Variants in PRSS22 observed in about 807,000 individuals in gnomAD.
The protein encoded by PRSS22 is brain-specific serine protease 4.
In PRSS22, 26 loss-of-function variants were observed where a neutral mutation model predicts 28.0. That is an observed-to-expected ratio of 0.93 (90% CI 0.68 to 1.29). PRSS22 has a LOEUF of 1.29. Among genes scored for constraint, PRSS22 ranks in the 50% most tolerant of loss-of-function variants. PRSS22 has a pLI of 0.00. For missense variants in PRSS22, 444 were observed against 422.1 expected (o/e 1.05, Z -0.46); for synonymous variants, 217 against 177.9 (o/e 1.22, Z -1.75).
At position 2,857,262 on chromosome 16, in the gene PRSS22, C is replaced by A. The variant is rs573694204; in HGVS notation, c.83-414G>T. 5.6e-4 allele frequency: 135 copies of A among 240,994 alleles called. 2 individuals are homozygous for A. The highest frequency in any genetic ancestry group is 3.9e-3 in the South Asian group (113 of 28,628). 14.9% of individuals were successfully genotyped at this position (240,994 alleles called of 1,614,324 possible). A position where few individuals can be genotyped will look rare whatever the true frequency, so the allele number is the denominator to read the frequency against. ...TCCCCAGCGCCCAGTGAGGAGGGGT[C>A]CCCAGCGCCCAGTGAGGAGGGCTCC... On this transcript the variant is annotated intron_variant, in intron 1 of 5. Transcript: ENST00000161006.
intron 4 of PRSS22, 125 bp downstream of exon 4, chr16:2,855,449 T>A (rs2069445737): frequency 9.5e-7 from 1 of 1,049,770 alleles, no homozygotes; most frequent in Admixed American, 2.5e-5. Context: ...CATCTTTCCT[T>A]CCACCTCTGT....
At chr16:2,856,924 G>C (rs112489412) in intron 1 of PRSS22, 76 bp from the exon 2 acceptor site, 44 of 1,502,042 alleles carry the variant, frequency 2.9e-5, no homozygotes, top group African/African-American at 2.4e-4. Flanking sequence ...TCAACGCCCA[G>C]TGAGGAAGGC....
At chr16:2,856,946 A>C (rs1276479613) in intron 1 of PRSS22, 98 bp from the exon 2 acceptor site, 1 of 1,367,738 alleles carries the variant, frequency 7.3e-7, no homozygotes, top group Non-Finnish European at 1.0e-6. Flanking sequence ...CCCAACACCC[A>C]GTAAGAAGGG....
At position 2,853,477 on chromosome 16, in the gene PRSS22, G is replaced by A. The variant is rs2069426237; in HGVS notation, c.718-148C>T. The A allele has an allele frequency of 1.4e-6, 1 of 694,974 alleles. No homozygotes were observed. The highest frequency in any genetic ancestry group is 2.4e-6 in the Non-Finnish European group (1 of 422,200). The allele number at this position is 694,974 out of a possible 1,614,324, so 43.1% of individuals were successfully genotyped here. On this transcript the variant is annotated intron_variant, in intron 5 of 5. Transcript: ENST00000161006. This position sits in a 1 kb window ranked among gnomAD's most constrained non-coding sequence, Gnocchi z 4.6. ...GACAGGACCTGAGCTCCACCCAGGT[G>A]AGAAGTCCCCGGCGGCAGAGTAGGA...
intron 1 of PRSS22, 138 bp downstream of exon 1, chr16:2,857,885 T>C (rs1044603234): frequency 3.5e-6 from 2 of 577,152 alleles, no homozygotes; most frequent in East Asian, 3.5e-5. Context: ...CACAGAGCAG[T>C]TAAGGAGCAA....
At chr16:2,856,650 A>G (rs1018728044) in intron 2 of PRSS22, among the ~76,000 whole-genome samples, 172 bp downstream of exon 2, 1 of 151,528 alleles carries the variant, frequency 6.6e-6, no homozygotes, top group African/African-American at 2.4e-5. Flanking sequence ...GGCATCTCTC[A>G]AGCCTTTCTC....
intron 1 of PRSS22, chr16:2,857,248 C>CAGTGAGGAGGGGTCACCAGCGCCT (rs2069468872): frequency 5.0e-6 from 1 of 198,980 alleles, no homozygotes; most frequent in African/African-American, 3.7e-5. Flanking sequence ...CCCCAGCGCC[C>CAGTGAGGAGGGGTCACCAGCGCCT]AGTGAGGAGG....
chr16:2,856,798 G>A (rs1480149263), intron 2 of PRSS22, 24 bp downstream of exon 2: 4 of 1,551,626 alleles, frequency 2.6e-6, no homozygotes, highest in African/African-American at 1.4e-5. Flanking sequence ...TCTCCCTCCC[G>A]TCAGAGCTGC....
chr16:2,853,844 G>C lies in PRSS22; in HGVS notation c.717+21C>G, dbSNP rs2074294. ...TCCCGAGGCCCTCCTGGCCAGGGGT[G>C]GGGGGCTCGAGGGAGCTCACCAGAC... On this transcript the variant is annotated intron_variant, in intron 5 of 5. Transcript: ENST00000161006. This position sits in a 1 kb window ranked among gnomAD's most constrained non-coding sequence, Gnocchi z 4.6. 1.9e-6 allele frequency: 3 copies of C among 1,611,942 alleles called. No individual in the cohort carries two copies. Among genetic ancestry groups the C allele is most frequent in the Non-Finnish European group, 1.7e-6 (2 of 1,179,480 alleles).
chr16:2,856,023 C>A, intron 3 of PRSS22, 59 bp downstream of exon 3: 1 of 1,579,286 alleles, frequency 6.3e-7, no homozygotes. Flanking sequence ...GAGCCCAGGG[C>A]CTGGGGCACA....
chr16:2,857,470 T>G (rs1056310753), intron 1 of PRSS22, among the ~76,000 whole-genome samples: 21 of 152,100 alleles, frequency 1.4e-4, no homozygotes, highest in Non-Finnish European at 2.8e-4. Flanking sequence ...AGCCCTCCAG[T>G]GCCCAGGGAG....
intron 2 of PRSS22, 119 bp downstream of exon 2, chr16:2,856,703 C>T: frequency 1.6e-6 from 2 of 1,215,514 alleles, no homozygotes; most frequent in South Asian, 2.6e-5. Context: ...CCCTCTAGCT[C>T]TTTCCCCCTC....
At chr16:2,857,189 TC>T (rs2069467244) in intron 1 of PRSS22, 6 of 188,358 alleles carry the variant, frequency 3.2e-5, no homozygotes, top group East Asian at 8.0e-5. Context: ...TGAGGAGGGG[TC>T]CCCAGCGCCC....
rs922812654 is a variant in PRSS22 at position 2,853,959 on chromosome 16, C to T, written c.623G>A (p.Cys208Tyr). 6.2e-7 allele frequency: 1 copy of T among 1,614,090 alleles called. No homozygotes were observed. Among genetic ancestry groups the T allele is most frequent in the African/African-American group, 1.3e-5 (1 of 74,948 alleles). ...TGCTCCCCGCCAGTACAGATGGCTG[C>T]AGACTTCCGAGTCGATGATAGGAAC... ...LKVPIIDSEVCSHLYWRGAGQ... is the reference protein window; with the variant it reads ...LKVPIIDSEVYSHLYWRGAGQ... The change falls in exon 5 of 6, where the codon TGC becomes TAC. Residue 208 changes from cysteine to tyrosine, a missense_variant. Cys to Tyr is a radical substitution (Grantham distance 194). Coordinates refer to ENST00000161006, the MANE Select transcript of PRSS22 (RefSeq NM_022119.4). This position sits in a 1 kb window ranked among gnomAD's most constrained non-coding sequence, Gnocchi z 4.6.
In PRSS22 at chr16:2,852,877, G is replaced by A. The variant is rs2069416463; in HGVS notation, c.*216C>T. ...GAAGTCGTGGGGGCGGGGACATGAGGCCGTTGGGCGGGGCCTGATGCCTTG... is the reference window on the plus strand; with the variant it reads ...GAAGTCGTGGGGGCGGGGACATGAGACCGTTGGGCGGGGCCTGATGCCTTG... On this transcript the variant is annotated 3_prime_UTR_variant, in exon 6 of 6. Transcript: ENST00000161006. The A allele has an allele frequency of 5.5e-6, 3 of 544,758 alleles. No homozygotes were observed. Among genetic ancestry groups the A allele is most frequent in the Non-Finnish European group, 9.6e-6 (3 of 311,658 alleles). The allele number at this position is 544,758 out of a possible 1,614,324, so 33.7% of individuals were successfully genotyped here.
At chr16:2,857,009 C>A in intron 1 of PRSS22, 161 bp from the exon 2 acceptor site, 1 of 812,108 alleles carries the variant, frequency 1.2e-6, no homozygotes, top group Non-Finnish European at 2.0e-6. Context: ...GAGGGTCCCT[C>A]AGCGCCCAGT....
chr16:2,858,001 G>A (rs1179264172), intron 1 of PRSS22, 22 bp downstream of exon 1: 10 of 1,268,132 alleles, frequency 7.9e-6, no homozygotes, highest in East Asian at 3.1e-5. Flanking sequence ...AGGGAGGAGG[G>A]AGGAGCAGCC....
In PRSS22 at chr16:2,856,186, G is replaced by A. The variant is rs574367142; in HGVS notation, c.177C>T (p.Ser59=). ...GGATGCTCACGATCCAGGGCCACTC[G>A]CTGTCAGTGCTGTCCTCGCCGCCCA... ...RVVGGEDSTD[S]EWPWIVSIQK... Residue 59 remains serine, a synonymous_variant, in exon 3 of 6, where the codon AGC becomes AGT. Coordinates refer to ENST00000161006, the MANE Select transcript of PRSS22 (RefSeq NM_022119.4). 54 of 1,613,682 alleles carry A rather than the reference G, an allele frequency of 3.3e-5. No homozygotes were observed. The South Asian group carries it at 4.2e-4, about 12-fold the overall frequency.
chr16:2,854,025 G>A lies in PRSS22; in HGVS notation c.560-3C>T. 6.2e-7 allele frequency: 1 copy of A among 1,614,126 alleles called. No homozygotes were observed. Among genetic ancestry groups the A allele is most frequent in the South Asian group, 1.1e-5 (1 of 91,082 alleles). On this transcript the variant is annotated splice_region_variant and splice_polypyrimidine_tract_variant and intron_variant, in intron 4 of 5. Coordinates refer to ENST00000161006, the MANE Select transcript of PRSS22 (RefSeq NM_022119.4). ...GGTCTGAGGGTGGGGCAAGGGAACT[G>A]GGAGGAAAGAGGACAGAATCAGGTT...
Sources: gnomAD v4.1 joint callset for allele counts (sites outside exome capture counted in the v4.1 genomes callset) on GRCh38, gnomAD v4.1.1 for gene constraint, Gnocchi (gnomAD v3.1) non-coding constraint, MANE v1.5 for transcripts, NCBI Gene and HGNC (gene_info 2026-07-23, HGNC 2026-07-21) for gene names.